POLN: variants seen among roughly 807,000 people sequenced by gnomAD.
The protein encoded by POLN is DNA polymerase nu.
In POLN, 108 loss-of-function variants were observed where a neutral mutation model predicts 113.5. That is an observed-to-expected ratio of 0.95 (90% CI 0.81 to 1.12). The LOEUF is 1.12. Ranked by LOEUF, POLN falls within the 50% of genes most tolerant of loss-of-function variation. The pLI, the probability that POLN is intolerant of heterozygous loss-of-function variation, is 0.00. For synonymous variants in POLN, 386 were observed against 391.5 expected (o/e 0.99, Z 0.17); for missense variants, 1,097 against 1,077.1 (o/e 1.02, Z -0.26).
intron 16 of POLN, among the ~76,000 whole-genome samples, chr4:2,142,653 C>T (rs1305070025): frequency 1.3e-5 from 2 of 152,056 alleles, no homozygotes; most frequent in Non-Finnish European, 2.9e-5. Context: ...ATGCCAATAA[C>T]CACAGACAAA....
At chr4:2,158,763 T>C (rs1732501212) in intron 14 of POLN, among the ~76,000 whole-genome samples, 1 of 152,168 alleles carries the variant, frequency 6.6e-6, no homozygotes, top group Non-Finnish European at 1.5e-5. Flanking sequence ...CTGGCAAATG[T>C]AAGTGCAAGA....
chr4:2,152,321 A>C (rs1185439638), intron 16 of POLN, among the ~76,000 whole-genome samples: 1 of 146,378 alleles, frequency 6.8e-6, no homozygotes, highest in Non-Finnish European at 1.5e-5. Context: ...TACAGACATG[A>C]GCCATTGCAC....
intron 19 of POLN, among the ~76,000 whole-genome samples, chr4:2,101,117 T>C (rs1258694117): frequency 6.7e-6 from 1 of 150,106 alleles, no homozygotes; most frequent in Non-Finnish European, 1.5e-5. Flanking sequence ...ATCACAAAAA[T>C]GGGGTCCAGA....
intron 8 of POLN, among the ~76,000 whole-genome samples, chr4:2,178,940 C>G (rs561644048): frequency 6.6e-6 from 1 of 152,224 alleles, no homozygotes; most frequent in African/African-American, 2.4e-5. Flanking sequence ...TGACCATTCT[C>G]TCCACACAGA....
intron 19 of POLN, among the ~76,000 whole-genome samples, chr4:2,107,324 T>A (rs755753383): frequency 6.6e-6 from 1 of 152,200 alleles, no homozygotes; most frequent in Non-Finnish European, 1.5e-5. Flanking sequence ...TTTAAGCTTG[T>A]CTCATTATTT....
At position 2,121,492 on chromosome 4, in the gene POLN, G is replaced by T. The variant is rs1265790119; in HGVS notation, c.1982+6621C>A. On this transcript the variant is annotated intron_variant, in intron 19 of 25. Coordinates refer to ENST00000511885, the MANE Select transcript of POLN (RefSeq NM_181808.4). ...CCAGGGAAGCCATCTGAGCCTGAGG[G>T]TTTCTTTTTCAGGAAATTTTAAGGG... 4.6e-5 allele frequency among the ~76,000 whole-genome samples: 7 copies of T among 150,814 alleles called. No homozygotes were observed. The East Asian group carries it at 1.4e-3, about 29-fold the overall frequency.
In POLN at chr4:2,081,703, T is replaced by C. The variant is rs777625753; in HGVS notation, c.2238A>G (p.Pro746=). 1.2e-6 allele frequency: 2 copies of C among 1,613,972 alleles called. No homozygotes were observed. Among genetic ancestry groups the C allele is most frequent in the Non-Finnish European group, 1.7e-6 (2 of 1,180,014 alleles). The change falls in exon 22 of 26, where the codon CCA becomes CCG. Residue 746 remains proline (P), a synonymous_variant. Coordinates refer to ENST00000511885, the MANE Select transcript of POLN (RefSeq NM_181808.4). ...GTTGCTGGTCATGAGCGTGAATCCT[T>C]GGCAGGGGTCTCCTTCTGCCCATGA... ...VSIMGRRRPL[P]RIHAHDQQLR... is the part of the protein sequence containing the mutation.
At chr4:2,141,548 C>T (rs34834920) in intron 16 of POLN, among the ~76,000 whole-genome samples, 6,018 of 152,288 alleles carry the variant, frequency 0.04, 162 homozygotes, top group Middle Eastern at 0.051. Context: ...TGAAGGACTG[C>T]GGTGCGTTCT....
At chr4:2,170,874 C>T in intron 12 of POLN, 100 bp from the exon 13 acceptor site, 1 of 1,086,372 alleles carries the variant, frequency 9.2e-7, no homozygotes, top group Non-Finnish European at 1.4e-6. Context: ...AGAAGACACA[C>T]CCAAACAGAC....
At chr4:2,167,320 G>C (rs1732753265) in intron 13 of POLN, among the ~76,000 whole-genome samples, 1 of 152,122 alleles carries the variant, frequency 6.6e-6, no homozygotes, top group Non-Finnish European at 1.5e-5. Context: ...GATGTTCTGA[G>C]AACATGTGAC....
At position 2,181,345 on chromosome 4, in the gene POLN, C is replaced by T. The variant is rs549106698; in HGVS notation, c.1022-1880G>A. Among the ~76,000 whole-genome samples the T allele has an allele frequency of 1.3e-3, 193 of 152,090 alleles. No homozygotes were observed. The Middle Eastern group carries it at 0.02, about 16-fold the overall frequency. ...TTTTTTAGTAGAGATGGGGTTTCAC[C>T]ATGTTGGCCAGGCTGGTCTTAAACT... On this transcript the variant is annotated intron_variant, in intron 7 of 25. Coordinates refer to ENST00000511885, the MANE Select transcript of POLN (RefSeq NM_181808.4).
intron 7 of POLN, among the ~76,000 whole-genome samples, chr4:2,187,254 T>TGTTG (rs1733300217): frequency 6.6e-6 from 1 of 152,040 alleles, no homozygotes; most frequent in Non-Finnish European, 1.5e-5. Flanking sequence ...TTTGTTTGTT[T>TGTTG]GTTTGTTTAG....
chr4:2,201,799 C>T (rs1733723171), intron 5 of POLN, among the ~76,000 whole-genome samples: 1 of 152,110 alleles, frequency 6.6e-6, no homozygotes, highest in South Asian at 2.1e-4. Context: ...AGCTATGAGG[C>T]AAAAGCACCA....
intron 2 of POLN, among the ~76,000 whole-genome samples, chr4:2,237,568 TGAAACGGAA>T (rs1345774970): frequency 1.3e-5 from 2 of 152,040 alleles, no homozygotes; most frequent in African/African-American, 4.8e-5. Flanking sequence ...GCAATGAATT[TGAAACGGAA>T]GACCTAGATC....
At chr4:2,225,057 C>G (rs1168578095) in intron 3 of POLN, among the ~76,000 whole-genome samples, 1 of 152,050 alleles carries the variant, frequency 6.6e-6, no homozygotes, top group Non-Finnish European at 1.5e-5. Flanking sequence ...GGACCACCAA[C>G]ATATATACGG....
chr4:2,168,000 A>C (rs531126086), intron 13 of POLN, among the ~76,000 whole-genome samples: 1 of 152,338 alleles, frequency 6.6e-6, no homozygotes, highest in African/African-American at 2.4e-5. Context: ...TCGATGGTCA[A>C]AGAATTATAA....
intron 3 of POLN, among the ~76,000 whole-genome samples, chr4:2,220,877 T>C (rs1163583906): frequency 6.6e-6 from 1 of 152,210 alleles, no homozygotes; most frequent in East Asian, 1.9e-4. Context: ...CAATTTCTTA[T>C]GAAATGACAT....
intron 20 of POLN, 127 bp downstream of exon 20, chr4:2,095,724 C>A: frequency 1.2e-6 from 1 of 828,040 alleles, no homozygotes; most frequent in South Asian, 1.4e-5. Context: ...CTGCAGGTGT[C>A]ATCAGAGCAT....
At chr4:2,104,528 T>A (rs1158809810) in intron 19 of POLN, among the ~76,000 whole-genome samples, 1 of 152,240 alleles carries the variant, frequency 6.6e-6, no homozygotes, top group Non-Finnish European at 1.5e-5. Flanking sequence ...GTTACTTTTA[T>A]TTTGTAGAAA....
Sources: allele counts gnomAD v4.1 joint callset (sites outside exome capture counted in the v4.1 genomes callset), GRCh38; gene constraint gnomAD v4.1.1; transcripts MANE v1.5; gene names NCBI Gene and HGNC (gene_info 2026-07-23, HGNC 2026-07-21).